The following MAP3K5 variants were observed in gnomAD, a reference collection of about 807,000 sequenced individuals.
The protein encoded by MAP3K5 is ASK-1.
A neutral mutation model predicts 158.7 loss-of-function variants in MAP3K5; 56 were observed. The ratio of observed to expected loss-of-function variants is 0.35; its 90% CI spans 0.28 to 0.44. The LOEUF (loss-of-function observed/expected upper bound fraction) is 0.44. Among genes scored for constraint, MAP3K5 ranks in the 20% least tolerant of loss-of-function variants. The pLI is 1.00. For synonymous variants in MAP3K5, 579 were observed against 601.7 expected, an observed-to-expected ratio of 0.96 and a Z score of 0.55; for missense variants, 1,294 against 1,674.8, an observed-to-expected ratio of 0.77 and a Z score of 3.97.
chr6:136,684,893 ATGTTAGAGAACT>A (rs1204061451), intron 7 of MAP3K5, among the ~76,000 whole-genome samples: 1 of 152,224 alleles, frequency 6.6e-6, no homozygotes, highest in Admixed American at 6.5e-5. Context: ...AAAACATCAA[ATGTTAGAGAACT>A]ATGTTTTTAA....
chr6:136,676,878 G>A (rs1340996777), intron 7 of MAP3K5, among the ~76,000 whole-genome samples: 3 of 147,514 alleles, frequency 2.0e-5, no homozygotes, highest in South Asian at 2.1e-4. Context: ...TGCAACCTCC[G>A]CCTCCTGGGT....
chr6:136,565,401 TTAAA>T (rs2129069293), intron 26 of MAP3K5, among the ~76,000 whole-genome samples: 1 of 152,282 alleles, frequency 6.6e-6, no homozygotes, highest in South Asian at 2.1e-4. Context: ...GATGGGGAAA[TTAAA>T]TAAACAGGCA....
At chr6:136,682,261 G>A (rs1369998290) in intron 7 of MAP3K5, among the ~76,000 whole-genome samples, 1 of 152,174 alleles carries the variant, frequency 6.6e-6, no homozygotes, top group Non-Finnish European at 1.5e-5. Context: ...AAAGGACTAA[G>A]CAAAAATAAT....
Position 136,791,826 on chromosome 6 carries a change from T to C in MAP3K5, c.332A>G (p.Glu111Gly). ...SQGQLVVAES[E>G]ALQSLREACE... is the part of the protein sequence containing the mutation. ...CGCCTCCCGCAAGCTCTGCAGGGCC[T>C]CGCTCTCGGCCACCACCAGTTGCCC... The change falls in exon 1 of 30, where the codon GAG (glutamate) becomes GGG (glycine). Residue 111 changes from glutamate to glycine, a missense_variant. By Grantham distance (98) the Glu-to-Gly change is moderately conservative. This residue lies in a region of MAP3K5 where 690 missense variants were observed against 870.5 expected (regional missense o/e 0.79). Transcript: ENST00000359015. 6.2e-7 allele frequency: 1 copy of C among 1,613,818 alleles called. No individual in the cohort carries two copies. The highest frequency in any genetic ancestry group is 1.6e-4 in the Middle Eastern group (1 of 6,062).
intron 2 of MAP3K5, among the ~76,000 whole-genome samples, chr6:136,707,318 A>G: frequency 6.6e-6 from 1 of 152,256 alleles, no homozygotes; most frequent in East Asian, 1.9e-4. Flanking sequence ...GCTATGCTTT[A>G]TCAGAGAAAG....
chr6:136,669,295 G>C lies in MAP3K5; in HGVS notation c.1354C>G (p.Leu452Val). 6.2e-7 allele frequency: 1 copy of C among 1,611,548 alleles called. No individual in the cohort carries two copies. Residue 452 changes from leucine (L) to valine (V), a missense_variant, in exon 8 of 30, where the codon CTC becomes GTC. Physicochemically the swap from Leu to Val is conservative, Grantham distance 32. Transcript: ENST00000359015. The stretch of plus-strand genomic sequence containing the variant: ...AAGTTGTAATTACCAACTTTCCGGA[G>C]CTCAAAGGAAGATTCAAACTGGTGT... ...AGHQFESSFE[L>V]RKVGVKLSSL...
chr6:136,656,384 T>C lies in MAP3K5; in HGVS notation c.1603A>G (p.Lys535Glu), dbSNP rs766136288. 1.9e-6 allele frequency: 3 copies of C among 1,613,686 alleles called. No homozygotes were observed. Among genetic ancestry groups the C allele is most frequent in the Non-Finnish European group, 2.5e-6 (3 of 1,179,620 alleles). ...VKLTTEQPVA[K>E]QELVDFWMDF... ...ATCCAAAAGTCCACAAGTTCTTGCTTGGCCACAGGCTGTTCTGTGGTCAGT... is the reference window on the plus strand; with the variant it reads ...ATCCAAAAGTCCACAAGTTCTTGCTCGGCCACAGGCTGTTCTGTGGTCAGT... The change falls in exon 10 of 30, where the codon AAG becomes GAG. Residue 535 changes from lysine (K) to glutamate (E), a missense_variant. Coordinates refer to ENST00000359015, the MANE Select transcript of MAP3K5 (RefSeq NM_005923.4).
chr6:136,617,205 T>C (rs1218520367), intron 15 of MAP3K5, among the ~76,000 whole-genome samples: 2 of 152,178 alleles, frequency 1.3e-5, no homozygotes, highest in Non-Finnish European at 2.9e-5. Context: ...TCTTCTCCAA[T>C]ATAAAAAATA....
At chr6:136,653,511 G>A (rs1464700260) in intron 10 of MAP3K5, among the ~76,000 whole-genome samples, 1 of 152,190 alleles carries the variant, frequency 6.6e-6, no homozygotes. Context: ...ACAAGGTGCA[G>A]CGACCAAGAT....
At chr6:136,711,173 A>G (rs905805893) in intron 2 of MAP3K5, among the ~76,000 whole-genome samples, 1 of 152,192 alleles carries the variant, frequency 6.6e-6, no homozygotes, top group Non-Finnish European at 1.5e-5. Context: ...TCAAGCTTTA[A>G]AAGAAAAAAA....
intron 14 of MAP3K5, among the ~76,000 whole-genome samples, chr6:136,627,166 A>C (rs1042690338): frequency 6.6e-6 from 1 of 152,086 alleles, no homozygotes; most frequent in African/African-American, 2.4e-5. Flanking sequence ...ATTTATTGCC[A>C]ACTGTTCTCA....
intron 14 of MAP3K5, 134 bp downstream of exon 14, chr6:136,637,191 G>A: frequency 2.3e-6 from 3 of 1,284,986 alleles, no homozygotes; most frequent in South Asian, 1.5e-5. Flanking sequence ...AATTCTGGAA[G>A]TTGCTTTTAA....
chr6:136,782,075 G>A (rs946141742), intron 1 of MAP3K5, among the ~76,000 whole-genome samples: 1 of 151,080 alleles, frequency 6.6e-6, no homozygotes, highest in Non-Finnish European at 1.5e-5. Context: ...AAAAAAAAGG[G>A]TATTTGACAT....
intron 18 of MAP3K5, among the ~76,000 whole-genome samples, chr6:136,608,095 C>A (rs1776177829): frequency 6.6e-6 from 1 of 152,024 alleles, no homozygotes; most frequent in Admixed American, 6.6e-5. Context: ...TGTGCAAAGG[C>A]CCTGTGATGG....
chr6:136,640,915 A>G (rs1338647734), intron 12 of MAP3K5, among the ~76,000 whole-genome samples: 2 of 152,236 alleles, frequency 1.3e-5, no homozygotes, highest in Admixed American at 6.5e-5. Flanking sequence ...TTCTCAGCAT[A>G]TAAGCCAGCA....
chr6:136,790,103 G>C lies in MAP3K5; in HGVS notation c.448+1607C>G, dbSNP rs1217058358. Among the ~76,000 whole-genome samples, 9 of 152,272 alleles carry C rather than the reference G, an allele frequency of 5.9e-5. No homozygotes were observed. The South Asian group carries it at 1.2e-3, about 21-fold the overall frequency. ...TCCCTGGGTTTTCTCACCTAAGAAG[G>C]TAAGTACTTCCTTCACAGGCTTGTT... On this transcript the variant is annotated intron_variant, in intron 1 of 29. Coordinates refer to ENST00000359015, the MANE Select transcript of MAP3K5 (RefSeq NM_005923.4).
chr6:136,679,927 A>C (rs1255494301), intron 7 of MAP3K5, among the ~76,000 whole-genome samples: 1 of 152,194 alleles, frequency 6.6e-6, no homozygotes, highest in Admixed American at 6.5e-5. Flanking sequence ...ATGAATGGAT[A>C]AACAAAATGT....
chr6:136,560,763 C>T (rs1462539018), intron 28 of MAP3K5, among the ~76,000 whole-genome samples: 3 of 151,660 alleles, frequency 2.0e-5, no homozygotes, highest in Non-Finnish European at 2.9e-5. Context: ...GCCTGGGCAA[C>T]ATAGCGAGAC....
At chr6:136,659,185 T>G (rs769170987) in intron 9 of MAP3K5, 34 bp downstream of exon 9, 8 of 1,549,750 alleles carry the variant, frequency 5.2e-6, no homozygotes, top group Non-Finnish European at 5.3e-6. Context: ...GAGCTGTTTA[T>G]TAATTGTATC....
Sources: allele counts gnomAD v4.1 joint callset (sites outside exome capture counted in the v4.1 genomes callset), GRCh38; gene constraint gnomAD v4.1.1; regional missense constraint gnomAD v4.1.1; transcripts MANE v1.5; gene names NCBI Gene and HGNC (gene_info 2026-07-23, HGNC 2026-07-21).